TNIK: variants seen among roughly 807,000 people sequenced by gnomAD.
TNIK encodes TRAF2 and NCK interacting kinase.
TNIK carries 49 observed loss-of-function variants against 191.3 expected under a neutral mutation model. The observed-to-expected ratio is 0.26, with a 90% CI of 0.20 to 0.32. The LOEUF is 0.32. Ranked by LOEUF, TNIK falls within the 10% of genes least tolerant of loss-of-function variation. TNIK has a pLI of 1.00. For missense variants in TNIK, 1,155 were observed against 1,702.3 expected (o/e 0.68, Z 5.66); for synonymous variants, 594 against 600.9 (o/e 0.99, Z 0.17).
chr3:171,266,203 G>C (rs1169272223), intron 2 of TNIK, among the ~76,000 whole-genome samples: 1 of 152,224 alleles, frequency 6.6e-6, no homozygotes, highest in Non-Finnish European at 1.5e-5. Flanking sequence ...GATCATTGTT[G>C]ACAAAGGACT....
intron 15 of TNIK, among the ~76,000 whole-genome samples, chr3:171,129,482 GT>G (rs1405855170): frequency 6.6e-6 from 1 of 152,128 alleles, no homozygotes. Flanking sequence ...TTTCTTTCCA[GT>G]TGTCTTTCCT....
At chr3:171,221,409 C>G (rs1364190902) in intron 3 of TNIK, among the ~76,000 whole-genome samples, 1 of 152,152 alleles carries the variant, frequency 6.6e-6, no homozygotes, top group South Asian at 2.1e-4. Context: ...TAACGAAGGT[C>G]TACTCGTCCT....
chr3:171,160,234 G>C (rs1256186258), intron 11 of TNIK, among the ~76,000 whole-genome samples: 1 of 152,192 alleles, frequency 6.6e-6, no homozygotes, highest in African/African-American at 2.4e-5. Flanking sequence ...CAGGTGAAGA[G>C]AGAAAAACTG....
At position 171,361,285 on chromosome 3, in the gene TNIK, T is replaced by TGA. The variant is rs145018402; in HGVS notation, c.123+8333_123+8334dup. Among the ~76,000 whole-genome samples, 769 of 152,300 alleles carry TGA rather than the reference T, an allele frequency of 5.0e-3. 1 individual carries two copies. The highest frequency in any genetic ancestry group is 6.8e-3 in the Middle Eastern group (2 of 294). ...TTATCCAGATGATTTCTATAAAAAG[T>TGA]GAAGGCTGCGAACCACTAGTAGCAA... On this transcript the variant is annotated intron_variant, in intron 2 of 32. Coordinates refer to ENST00000436636, the MANE Select transcript of TNIK (RefSeq NM_015028.4).
intron 3 of TNIK, among the ~76,000 whole-genome samples, chr3:171,214,804 T>C (rs906154218): frequency 3.9e-5 from 6 of 152,178 alleles, no homozygotes; most frequent in Admixed American, 6.5e-5. Flanking sequence ...CAGCTATAAA[T>C]AGGAATAAGA....
chr3:171,256,011 T>C (rs1746814310), intron 2 of TNIK, among the ~76,000 whole-genome samples: 1 of 152,046 alleles, frequency 6.6e-6, no homozygotes, highest in African/African-American at 2.4e-5. Flanking sequence ...TATAGAATTA[T>C]AGAATAAAGT....
At position 171,438,403 on chromosome 3, in the gene TNIK, C is replaced by T. The variant is rs184042687; in HGVS notation, c.57+21604G>A. Among the ~76,000 whole-genome samples the T allele has an allele frequency of 2.2e-3, 337 of 152,332 alleles. 2 individuals carry two copies. Among genetic ancestry groups the T allele is most frequent in the African/African-American group, 7.7e-3 (321 of 41,572 alleles). ...AACACATGAAATTGTATTTTCACAA[C>T]TGCATAGCAAGTCGCCTGTCCACTC... On this transcript the variant is annotated intron_variant, in intron 1 of 32. Coordinates refer to ENST00000436636, the MANE Select transcript of TNIK (RefSeq NM_015028.4).
chr3:171,327,870 A>G (rs535637616), intron 2 of TNIK, among the ~76,000 whole-genome samples: 8 of 140,606 alleles, frequency 5.7e-5, no homozygotes, highest in Admixed American at 4.8e-4. Context: ...TCAACTTTAT[A>G]CCAGATCTGT....
chr3:171,224,477 A>AC (rs917961980), intron 3 of TNIK, among the ~76,000 whole-genome samples: 10 of 151,932 alleles, frequency 6.6e-5, no homozygotes, highest in African/African-American at 2.4e-4. Flanking sequence ...CAAAAAAAAA[A>AC]CCCCACAAAA....
chr3:171,178,654 C>A (rs949768373), intron 7 of TNIK, among the ~76,000 whole-genome samples: 1 of 152,068 alleles, frequency 6.6e-6, no homozygotes, highest in African/African-American at 2.4e-5. Flanking sequence ...TAGAAAACAC[C>A]AAGAAGAGGC....
At chr3:171,196,913 C>A (rs1344570343) in intron 4 of TNIK, among the ~76,000 whole-genome samples, 2 of 135,668 alleles carry the variant, frequency 1.5e-5, no homozygotes, top group East Asian at 5.1e-4. Flanking sequence ...CGCCATCACG[C>A]CCGGCTAATT....
intron 2 of TNIK, among the ~76,000 whole-genome samples, chr3:171,354,923 C>T (rs1353253572): frequency 1.3e-5 from 2 of 152,110 alleles, no homozygotes; most frequent in African/African-American, 4.8e-5. Context: ...ACTCAAAGAG[C>T]GTTCTGTTTT....
At chr3:171,405,608 A>G (rs1721567904) in intron 1 of TNIK, among the ~76,000 whole-genome samples, 1 of 152,148 alleles carries the variant, frequency 6.6e-6, no homozygotes, top group African/African-American at 2.4e-5. Flanking sequence ...TTCAAAAGTG[A>G]TAAGAAGTTG....
intron 2 of TNIK, among the ~76,000 whole-genome samples, chr3:171,278,791 G>T (rs759863392): frequency 9.2e-5 from 14 of 152,192 alleles, no homozygotes; most frequent in Non-Finnish European, 1.6e-4. Flanking sequence ...GAAACCACTT[G>T]ACTGTCAAAA....
intron 1 of TNIK, among the ~76,000 whole-genome samples, chr3:171,401,123 A>T (rs1720899150): frequency 6.6e-6 from 1 of 152,180 alleles, no homozygotes; most frequent in Non-Finnish European, 1.5e-5. Context: ...AGAAAACAAA[A>T]AAAGAAGAAG....
At chr3:171,311,643 C>G (rs1754026791) in intron 2 of TNIK, among the ~76,000 whole-genome samples, 1 of 152,052 alleles carries the variant, frequency 6.6e-6, no homozygotes. Context: ...AGAACCTTCC[C>G]CCAGAAAACA....
At chr3:171,406,664 C>A (rs950364299) in intron 1 of TNIK, among the ~76,000 whole-genome samples, 7 of 152,172 alleles carry the variant, frequency 4.6e-5, no homozygotes, top group Non-Finnish European at 7.3e-5. Context: ...AAGTCCTGGC[C>A]TCAGGTGATC....
intron 2 of TNIK, among the ~76,000 whole-genome samples, chr3:171,251,030 C>G (rs1481588176): frequency 6.6e-6 from 1 of 152,192 alleles, no homozygotes; most frequent in Non-Finnish European, 1.5e-5. Context: ...ATGACTGAAG[C>G]TCTCATCTAA....
chr3:171,429,824 C>T (rs1193552449), intron 1 of TNIK, among the ~76,000 whole-genome samples: 4 of 152,122 alleles, frequency 2.6e-5, no homozygotes, highest in Non-Finnish European at 5.9e-5. Context: ...GCCCCAGAAG[C>T]CTTTCACATA....
Sources: allele counts gnomAD v4.1 joint callset (sites outside exome capture counted in the v4.1 genomes callset), GRCh38; gene constraint gnomAD v4.1.1; transcripts MANE v1.5; gene names NCBI Gene and HGNC (gene_info 2026-07-23, HGNC 2026-07-21).